Variants in IGF1R observed in about 807,000 individuals in gnomAD.
IGF1R encodes insulin like growth factor 1 receptor.
In IGF1R, 44 loss-of-function variants were observed where a neutral mutation model predicts 144.6. The ratio of observed to expected loss-of-function variants is 0.30; its 90% CI spans 0.24 to 0.39. The LOEUF (loss-of-function observed/expected upper bound fraction) is 0.39, where lower values mean the gene tolerates loss of function less well. IGF1R is among the 10% of genes least tolerant of loss of function. The pLI is 1.00. For synonymous variants in IGF1R, 795 were observed against 722.8 expected (o/e 1.10, Z -1.60); for missense variants, 1,355 against 1,833.7 (o/e 0.74, Z 4.77).
intron 2 of IGF1R, among the ~76,000 whole-genome samples, chr15:98,883,208 C>T (rs566739490): frequency 2.6e-5 from 4 of 152,306 alleles, no homozygotes; most frequent in East Asian, 3.9e-4. Context: ...TTTTGCCGTG[C>T]GTAGCTGATT....
Position 98,943,015 on chromosome 15 carries a change from C to G in IGF1R, c.3550C>G (p.Leu1184Val), listed in dbSNP as rs1253190867. ...CGTGCGCTGGATGTCTCCTGAGTCC[C>G]TCAAGGATGGAGTCTTCACCACTTA... ...LPVRWMSPES[L>V]KDGVFTTYSD... The change falls in exon 19 of 21, where the codon CTC (leucine) becomes GTC (valine). Residue 1184 changes from leucine to valine, a missense_variant. By Grantham distance (32) the Leu-to-Val change is conservative. This residue lies in a region of IGF1R where 77 missense variants were observed against 163.2 expected (regional missense o/e 0.47). Coordinates refer to ENST00000650285, the MANE Select transcript of IGF1R (RefSeq NM_000875.5). The G allele has an allele frequency of 6.2e-7, 1 of 1,614,066 alleles. No homozygotes were observed. The highest frequency in any genetic ancestry group is 2.2e-5 in the East Asian group (1 of 44,900).
intron 2 of IGF1R, among the ~76,000 whole-genome samples, chr15:98,835,513 T>C (rs770869479): frequency 1.3e-5 from 2 of 152,224 alleles, no homozygotes; most frequent in Non-Finnish European, 2.9e-5. Context: ...ATAGTTGTCT[T>C]AATACCTTTT....
intron 5 of IGF1R, among the ~76,000 whole-genome samples, chr15:98,903,101 C>G (rs117876167): frequency 2.0e-4 from 31 of 152,230 alleles, no homozygotes; most frequent in African/African-American, 7.5e-4. Context: ...AAATCAAGAC[C>G]GCTCTGCTGT....
At chr15:98,747,576 C>G (rs1010668553) in intron 2 of IGF1R, among the ~76,000 whole-genome samples, 1 of 152,150 alleles carries the variant, frequency 6.6e-6, no homozygotes, top group African/African-American at 2.4e-5. Context: ...CTTAGATTCC[C>G]TCTGACGACT....
chr15:98,792,247 GAA>G (rs2056144192), intron 2 of IGF1R, among the ~76,000 whole-genome samples: 1 of 152,188 alleles, frequency 6.6e-6, no homozygotes, highest in South Asian at 2.1e-4. Context: ...TAGGGAAGGT[GAA>G]GTGTTCACCT....
chr15:98,671,746 CT>C (rs1038720338), intron 1 of IGF1R, among the ~76,000 whole-genome samples: 1 of 152,144 alleles, frequency 6.6e-6, no homozygotes, highest in African/African-American at 2.4e-5. Flanking sequence ...TGCCTGTAGA[CT>C]TTTTTCTCTT....
intron 2 of IGF1R, among the ~76,000 whole-genome samples, chr15:98,779,544 G>A (rs925791950): frequency 1.3e-5 from 2 of 152,332 alleles, no homozygotes; most frequent in East Asian, 1.9e-4. Flanking sequence ...AGGTTACACC[G>A]TCAGCGGTTT....
intron 2 of IGF1R, among the ~76,000 whole-genome samples, chr15:98,828,642 A>G (rs909220576): frequency 2.6e-5 from 4 of 152,108 alleles, no homozygotes; most frequent in Admixed American, 6.5e-5. Flanking sequence ...GGGTGTCTGC[A>G]CCCCAACTTC....
chr15:98,866,917 A>T (rs966091014), intron 2 of IGF1R, among the ~76,000 whole-genome samples: 3 of 152,142 alleles, frequency 2.0e-5, no homozygotes, highest in African/African-American at 7.2e-5. Flanking sequence ...GAATTTGTTT[A>T]AACAAATGAC....
rs1596197556 is a variant in IGF1R, at chr15:98,695,804, A to G, written c.95-11758A>G. ...TGTTTCTCTCCTCCAGCAGGGTCAT[A>G]AAGAGCCTGACCAGTCCCCCTCCCT... On this transcript the variant is annotated intron_variant, in intron 1 of 20. Transcript: ENST00000650285. Among the ~76,000 whole-genome samples the G allele has an allele frequency of 1.3e-5, 2 of 152,226 alleles. 1 individual carries two copies. The highest frequency in any genetic ancestry group is 6.8e-3 in the Middle Eastern group (2 of 294).
At chr15:98,896,723 G>T (rs2014216763) in intron 3 of IGF1R, 34 bp from the exon 4 acceptor site, 1 of 1,605,734 alleles carries the variant, frequency 6.2e-7, no homozygotes, top group Non-Finnish European at 8.5e-7. Flanking sequence ...ACTCAATTAT[G>T]TGTGTTTTTG....
intron 2 of IGF1R, among the ~76,000 whole-genome samples, chr15:98,811,939 C>G (rs2056599909): frequency 1.3e-5 from 2 of 152,140 alleles, no homozygotes; most frequent in African/African-American, 4.8e-5. Flanking sequence ...AATAAGTCAA[C>G]TATCTCAAGG....
At chr15:98,948,798 C>T (rs1596482411) in intron 20 of IGF1R, 90 bp downstream of exon 20, 2 of 1,459,364 alleles carry the variant, frequency 1.4e-6, no homozygotes, top group Admixed American at 1.7e-5. Flanking sequence ...AGATTAAAGC[C>T]ATTCTCTCTG....
At chr15:98,804,742 C>T (rs909466720) in intron 2 of IGF1R, among the ~76,000 whole-genome samples, 3 of 152,142 alleles carry the variant, frequency 2.0e-5, no homozygotes, top group African/African-American at 7.2e-5. Context: ...GATGGAGTTT[C>T]GCTGGAGTGC....
chr15:98,886,065 G>A (rs755678247), intron 2 of IGF1R, among the ~76,000 whole-genome samples: 1 of 152,052 alleles, frequency 6.6e-6, no homozygotes. Context: ...TGATCTGCCC[G>A]CCTCGGCCTC....
chr15:98,814,836 G>C (rs1212603193), intron 2 of IGF1R, among the ~76,000 whole-genome samples: 1 of 152,210 alleles, frequency 6.6e-6, no homozygotes, highest in Admixed American at 6.5e-5. Context: ...TGGGAGAATG[G>C]CCATTCCGAA....
At chr15:98,852,264 C>A (rs1040887354) in intron 2 of IGF1R, among the ~76,000 whole-genome samples, 1 of 152,102 alleles carries the variant, frequency 6.6e-6, no homozygotes, top group Admixed American at 6.5e-5. Context: ...TTCCTGCTCT[C>A]CCCTCCGAGG....
chr15:98,700,523 G>A (rs2053702873), intron 1 of IGF1R, among the ~76,000 whole-genome samples: 1 of 152,036 alleles, frequency 6.6e-6, no homozygotes, highest in Admixed American at 6.5e-5. Context: ...ACAAATTTTG[G>A]GGCCTCACCT....
chr15:98,875,248 G>C (rs1311315756), intron 2 of IGF1R, among the ~76,000 whole-genome samples: 1 of 150,990 alleles, frequency 6.6e-6, no homozygotes, highest in African/African-American at 2.4e-5. Context: ...TCAGATCTTT[G>C]TTTTCAGATT....
Sources: allele counts gnomAD v4.1 joint callset (sites outside exome capture counted in the v4.1 genomes callset), GRCh38; gene constraint gnomAD v4.1.1; regional missense constraint gnomAD v4.1.1; transcripts MANE v1.5; gene names NCBI Gene and HGNC (gene_info 2026-07-23, HGNC 2026-07-21).